Variants in COL5A1 observed in about 807,000 individuals in gnomAD.
The protein encoded by COL5A1 is collagen alpha-1(V) chain.
A neutral mutation model predicts 263.7 loss-of-function variants in COL5A1; 16 were observed. The observed-to-expected ratio is 0.06, with a 90% CI of 0.04 to 0.09. The LOEUF (loss-of-function observed/expected upper bound fraction) is 0.09, where lower values mean the gene tolerates loss of function less well. Ranked by LOEUF, COL5A1 falls within the 10% of genes least tolerant of loss-of-function variation. The pLI is 1.00. For synonymous variants in COL5A1, 1,012 were observed against 1,004.5 expected, an observed-to-expected ratio of 1.01 and a Z score of -0.14; for missense variants, 2,036 against 2,540.5, an observed-to-expected ratio of 0.80 and a Z score of 4.27.
intron 11 of COL5A1, among the ~76,000 whole-genome samples, chr9:134,744,786 CAT>C (rs1188969603): frequency 5.9e-5 from 9 of 152,084 alleles, no homozygotes; most frequent in Admixed American, 2.0e-4. Context: ...CATGCACACA[CAT>C]ACACCCACAC....
rs79841405 is a variant in COL5A1 at position 134,703,376 on chromosome 9, C to T, written c.654+2043C>T. Among the ~76,000 whole-genome samples the T allele has an allele frequency of 2.1e-3, 321 of 152,326 alleles. 3 individuals are homozygous for T. Among genetic ancestry groups the T allele is most frequent in the South Asian group, 6.8e-3 (33 of 4,832 alleles). On this transcript the variant is annotated intron_variant, in intron 4 of 65. Coordinates refer to ENST00000371817, the MANE Select transcript of COL5A1 (RefSeq NM_000093.5). ...CTGGGGAGCTGGGGTTAAAAGCTGC[C>T]TTGGAGTCACACAGACTGGGATCAA...
At chr9:134,673,451 C>T (rs1245636500) in intron 1 of COL5A1, among the ~76,000 whole-genome samples, 1 of 140,040 alleles carries the variant, frequency 7.1e-6, no homozygotes, top group Non-Finnish European at 1.5e-5. Flanking sequence ...TATGGCGAGA[C>T]TCCATCTCAA....
At position 134,818,963 on chromosome 9, in the gene COL5A1, A is replaced by G. The variant is rs369060531; in HGVS notation, c.4393-37A>G. ...GATGACTTCGCCACCCAAAGCCCCAAGGATGAGGACTCTGATCCCCCTGCC... is the reference window on the plus strand; with the variant it reads ...GATGACTTCGCCACCCAAAGCCCCAGGGATGAGGACTCTGATCCCCCTGCC... On this transcript the variant is annotated intron_variant, in intron 56 of 65. Transcript: ENST00000371817. The surrounding 1 kb of genome is among the most constrained non-coding windows in gnomAD (Gnocchi z 6.0). The G allele has an allele frequency of 3.1e-5, 50 of 1,613,184 alleles. No individual in the cohort carries two copies. In the Middle Eastern group the frequency reaches 4.9e-4, roughly 16 times the overall value.
chr9:134,745,527 A>AT (rs1835478834), intron 11 of COL5A1, among the ~76,000 whole-genome samples: 1 of 151,732 alleles, frequency 6.6e-6, no homozygotes, highest in Non-Finnish European at 1.5e-5. Context: ...CCTCCTGTGG[A>AT]TTTTCTGGTT....
chr9:134,719,341 C>T (rs1436502832), intron 4 of COL5A1, among the ~76,000 whole-genome samples: 1 of 152,276 alleles, frequency 6.6e-6, no homozygotes, highest in Non-Finnish European at 1.5e-5. Flanking sequence ...CATGTGAATG[C>T]AAAACATATG....
At position 134,690,981 on chromosome 9, in the gene COL5A1, G is replaced by C. The variant is rs767754583; in HGVS notation, c.179G>C (p.Gly60Ala). Residue 60 changes from glycine (G) to alanine (A), a missense_variant, in exon 2 of 66, where the codon GGC becomes GCC. By Grantham distance (60) the Gly-to-Ala change is moderately conservative. Around this residue, in one of 3 missense-constraint regions of COL5A1, gnomAD observed 600 missense variants for 634.5 expected, o/e 0.95. Coordinates refer to ENST00000371817, the MANE Select transcript of COL5A1 (RefSeq NM_000093.5). ...CCTGATGGAATAACAAAGACAACAG[G>C]CTTTTGCGCCACGCGGCGATCTTCC... ...NLPDGITKTT[G>A]FCATRRSSKG... 3.7e-6 allele frequency: 6 copies of C among 1,613,762 alleles called. No individual in the cohort carries two copies. In the South Asian group the frequency reaches 6.6e-5, roughly 18 times the overall value.
At chr9:134,738,137 C>T (rs935805569) in intron 9 of COL5A1, among the ~76,000 whole-genome samples, 1 of 152,166 alleles carries the variant, frequency 6.6e-6, no homozygotes, top group African/African-American at 2.4e-5. Flanking sequence ...ACCTGCCTGG[C>T]ACTCCCCTTT....
intron 54 of COL5A1, 75 bp downstream of exon 54, chr9:134,817,906 G>T (rs1211779944): frequency 2.8e-6 from 4 of 1,430,910 alleles, no homozygotes; most frequent in Non-Finnish European, 3.9e-6. Flanking sequence ...GAGTGGACAA[G>T]CGTGTGGGCA....
chr9:134,688,898 G>A (rs1221149242), intron 1 of COL5A1, among the ~76,000 whole-genome samples: 1 of 152,118 alleles, frequency 6.6e-6, no homozygotes, highest in African/African-American at 2.4e-5. Flanking sequence ...TGAGAAATGC[G>A]GCTTCGATTT....
chr9:134,679,418 G>C, intron 1 of COL5A1, among the ~76,000 whole-genome samples: 1 of 126,044 alleles, frequency 7.9e-6, no homozygotes, highest in South Asian at 2.7e-4. Context: ...GGGCACTGTG[G>C]GGCTGGTTGG....
chr9:134,730,596 T>A, intron 7 of COL5A1, 121 bp downstream of exon 7: 2 of 1,396,942 alleles, frequency 1.4e-6, no homozygotes, highest in Non-Finnish European at 2.0e-6. Context: ...GGGTGGCCCC[T>A]GTGTTCCACC....
chr9:134,759,404 C>T (rs1336737741), intron 18 of COL5A1, among the ~76,000 whole-genome samples: 2 of 120,184 alleles, frequency 1.7e-5, no homozygotes, highest in Non-Finnish European at 3.5e-5. Context: ...CGCATACACA[C>T]CCACACACAC....
intron 28 of COL5A1, among the ~76,000 whole-genome samples, chr9:134,782,172 C>T (rs1023379486): frequency 6.6e-5 from 10 of 152,208 alleles, no homozygotes; most frequent in African/African-American, 2.4e-4. Context: ...ACTTCCCCCG[C>T]CACCCCCGGC....
chr9:134,642,013 G>C lies in COL5A1; in HGVS notation c.-175G>C. The C allele has an allele frequency of 1.9e-6, 1 of 539,032 alleles. No individual in the cohort carries two copies. The highest frequency in any genetic ancestry group is 2.8e-6 in the Non-Finnish European group (1 of 355,766). 33.4% of individuals were successfully genotyped at this position (539,032 alleles called of 1,614,324 possible). ...CCGCCCGTGGGCGAGCGCGCCAGCC[G>C]CCCCTTCCAGAACAGCCGCCGCCAC... On this transcript the variant is annotated 5_prime_UTR_variant, in exon 1 of 66. Coordinates refer to ENST00000371817, the MANE Select transcript of COL5A1 (RefSeq NM_000093.5). The surrounding 1 kb of genome is among the most constrained non-coding windows in gnomAD (Gnocchi z 4.5).
rs1830193059 is a variant in COL5A1 at position 134,844,514 on chromosome 9, T to C, written c.*2211T>C. ...TCCCCAGACCACTCTAGCCACAGTA[T>C]ATTGCAATAAAATTACTTCTTATAT... On this transcript the variant is annotated 3_prime_UTR_variant, in exon 66 of 66. Coordinates refer to ENST00000371817, the MANE Select transcript of COL5A1 (RefSeq NM_000093.5). 1 of 152,446 alleles carries C rather than the reference T, an allele frequency of 6.6e-6. No individual in the cohort carries two copies. Among genetic ancestry groups the C allele is most frequent in the Non-Finnish European group, 1.5e-5 (1 of 68,056 alleles). The allele number at this position is 152,446 out of a possible 1,614,324, so 9.4% of individuals were successfully genotyped here.
At position 134,809,236 on chromosome 9, in the gene COL5A1, G is replaced by A. The variant is rs1431427039; in HGVS notation, c.3420G>A (p.Val1140=). Residue 1140 remains valine (V), a synonymous_variant, in exon 43 of 66, where the codon GTG becomes GTA. Transcript: ENST00000371817. ...PAGRDGLQGP[V]GLPGPAGPVG... ...GCCGAGACGGTCTCCAGGGGCCTGT[G>A]GGGCTCCCGGGTCCAGCTGGCCCTG... is the stretch of plus-strand genomic sequence containing the variant. The A allele has an allele frequency of 6.2e-7, 1 of 1,607,332 alleles. No individual in the cohort carries two copies. The highest frequency in any genetic ancestry group is 8.5e-7 in the Non-Finnish European group (1 of 1,177,416).
rs1830137824 is a variant in COL5A1 at position 134,842,515 on chromosome 9, C to G, written c.*212C>G. On this transcript the variant is annotated 3_prime_UTR_variant, in exon 66 of 66. Coordinates refer to ENST00000371817, the MANE Select transcript of COL5A1 (RefSeq NM_000093.5). The surrounding 1 kb of genome is among the most constrained non-coding windows in gnomAD (Gnocchi z 5.8). ...CGCGCCCCCACCTGGAGCTGAATCA[C>G]ATGACCTAGCTGCACCCCAGCGCCT... The G allele has an allele frequency of 6.3e-6, 4 of 635,982 alleles. No homozygotes were observed. Among genetic ancestry groups the G allele is most frequent in the Non-Finnish European group, 8.3e-6 (3 of 362,148 alleles). 39.4% of individuals were successfully genotyped at this position (635,982 alleles called of 1,614,324 possible).
chr9:134,679,366 G>A (rs1396761703), intron 1 of COL5A1, among the ~76,000 whole-genome samples: 2 of 139,120 alleles, frequency 1.4e-5, no homozygotes, highest in Non-Finnish European at 3.1e-5. Flanking sequence ...CTAGTTGGGG[G>A]CACTGCGGGG....
At chr9:134,829,571 C>A (rs376821900) in intron 63 of COL5A1, among the ~76,000 whole-genome samples, 9 of 148,142 alleles carry the variant, frequency 6.1e-5, no homozygotes, top group Admixed American at 2.0e-4. Context: ...GGGCCCAGGC[C>A]GGGCTCCTCA....
Sources: gnomAD v4.1 joint callset for allele counts (sites outside exome capture counted in the v4.1 genomes callset) on GRCh38, gnomAD v4.1.1 for gene constraint, gnomAD v4.1.1 regional missense constraint, Gnocchi (gnomAD v3.1) non-coding constraint, MANE v1.5 for transcripts, NCBI Gene and HGNC (gene_info 2026-07-23, HGNC 2026-07-21) for gene names.